KLHL28: variants seen among roughly 807,000 people sequenced by gnomAD.
The protein encoded by KLHL28 is kelch like family member 28.
A neutral mutation model predicts 48.3 loss-of-function variants in KLHL28; 22 were observed. The observed-to-expected ratio is 0.46, with a 90% CI of 0.33 to 0.65. The LOEUF is 0.65. Among genes scored for constraint, KLHL28 ranks in the 30% least tolerant of loss-of-function variants. The pLI is 0.03. For synonymous variants in KLHL28, 243 were observed against 242.4 expected (o/e 1.00, Z -0.02); for missense variants, 527 against 704.3 (o/e 0.75, Z 2.85).
intron 1 of KLHL28, chr14:44,961,453 G>C (rs1885092023): frequency 6.6e-6 from 1 of 152,216 alleles, no homozygotes; most frequent in African/African-American, 2.4e-5. Flanking sequence ...GCAAAGTGAT[G>C]AGGGTAAGGA....
In KLHL28 at chr14:44,928,684, TAAAAA is replaced by T. The variant is rs397968833; in HGVS notation, c.*339_*343del. Reference sequence around the variant, plus strand: ...GGTTATCAGGGAAGGAGAGCTAAAATAAAAAAAAAAAAAAAAAAAAAGCAGCCACG... The same window carrying T: ...GGTTATCAGGGAAGGAGAGCTAAAATAAAAAAAAAAAAAAAAGCAGCCACG... On this transcript the variant is annotated 3_prime_UTR_variant, in exon 5 of 5. Transcript: ENST00000396128. 2.6e-5 allele frequency: 2 copies of T among 78,128 alleles called. No individual in the cohort carries two copies. The highest frequency in any genetic ancestry group is 1.5e-4 in the Admixed American group (1 of 6,814). 4.8% of individuals were successfully genotyped at this position (78,128 alleles called of 1,614,324 possible).
At chr14:44,931,311 G>C (rs1025603095) in intron 4 of KLHL28, 22 bp downstream of exon 4, 1 of 1,516,892 alleles carries the variant, frequency 6.6e-7, no homozygotes, top group Middle Eastern at 1.7e-4. Flanking sequence ...TACATGTTTA[G>C]AAATTAATAA....
chr14:44,959,710 A>C (rs1328947978), intron 1 of KLHL28, among the ~76,000 whole-genome samples: 1 of 152,226 alleles, frequency 6.6e-6, no homozygotes, highest in East Asian at 1.9e-4. Context: ...AAATTATTGA[A>C]ATTTTAAACT....
At chr14:44,954,957 A>T (rs1884732619) in intron 1 of KLHL28, among the ~76,000 whole-genome samples, 1 of 152,194 alleles carries the variant, frequency 6.6e-6, no homozygotes, top group Non-Finnish European at 1.5e-5. Context: ...TAAAATATAT[A>T]TCTTATGCTG....
intron 1 of KLHL28, among the ~76,000 whole-genome samples, chr14:44,961,327 C>G (rs893044349): frequency 6.6e-6 from 1 of 151,954 alleles, no homozygotes; most frequent in Admixed American, 6.6e-5. Context: ...AGGGGAGAGT[C>G]CCACAGAGGA....
intron 2 of KLHL28, among the ~76,000 whole-genome samples, chr14:44,942,534 CTT>C (rs934286278): frequency 2.1e-5 from 3 of 144,554 alleles, no homozygotes; most frequent in Non-Finnish European, 3.1e-5. Context: ...ACATAAAAGT[CTT>C]TTTTTTTTTT....
In KLHL28 at chr14:44,929,100, A is replaced by G; in HGVS notation, c.1644T>C (p.Pro548=). 6.8e-6 allele frequency: 11 copies of G among 1,614,056 alleles called. No homozygotes were observed. The highest frequency in any genetic ancestry group is 8.5e-6 in the Non-Finnish European group (10 of 1,179,946). The change falls in exon 5 of 5, where the codon CCT becomes CCC. Residue 548 remains proline, a synonymous_variant. Coordinates refer to ENST00000396128, the MANE Select transcript of KLHL28 (RefSeq NM_017658.5). ...CTGAATCCAGCCACGTATCTGAGAT[A>G]GGATCATATTTCTGCACTGTATTCA... ...SYLNTVQKYD[P]ISDTWLDSAG... is the part of the protein sequence containing the mutation.
chr14:44,957,600 C>T (rs979864909), intron 1 of KLHL28, among the ~76,000 whole-genome samples: 2 of 152,092 alleles, frequency 1.3e-5, no homozygotes, highest in African/African-American at 4.8e-5. Flanking sequence ...ATCTAGAATA[C>T]CTTTGACTGT....
intron 2 of KLHL28, among the ~76,000 whole-genome samples, chr14:44,941,449 A>C (rs970931152): frequency 6.7e-6 from 1 of 149,564 alleles, no homozygotes; most frequent in African/African-American, 2.5e-5. Flanking sequence ...CTCAGCATGG[A>C]GAAACCCTGT....
chr14:44,956,587 G>A (rs1345212721), intron 1 of KLHL28, among the ~76,000 whole-genome samples: 6 of 152,122 alleles, frequency 3.9e-5, no homozygotes, highest in Middle Eastern at 3.4e-3. Context: ...AAAACATACC[G>A]ACTGTGAAAA....
intron 2 of KLHL28, among the ~76,000 whole-genome samples, chr14:44,937,912 C>A (rs965252781): frequency 2.0e-5 from 3 of 152,212 alleles, no homozygotes; most frequent in African/African-American, 7.2e-5. Context: ...GTATTAACCC[C>A]TTCAAGAGGG....
In KLHL28 at chr14:44,928,913, C is replaced by G. The variant is rs1594562374; in HGVS notation, c.*115G>C. 7.8e-6 allele frequency: 7 copies of G among 892,714 alleles called. No individual in the cohort carries two copies. In the East Asian group the frequency reaches 1.8e-4, roughly 23 times the overall value. 55.3% of individuals were successfully genotyped at this position (892,714 alleles called of 1,614,324 possible). On this transcript the variant is annotated 3_prime_UTR_variant, in exon 5 of 5. Transcript: ENST00000396128. Reference sequence around the variant, plus strand: ...CCAACAAAACTTTTGAGCCTTCATGCTACTTCAAGTTAAAAAGAAAGCAAT... The same window carrying G: ...CCAACAAAACTTTTGAGCCTTCATGGTACTTCAAGTTAAAAAGAAAGCAAT...
Position 44,932,709 on chromosome 14 carries a change from T to C in KLHL28, c.1344-1168A>G, listed in dbSNP as rs563974040. Among the ~76,000 whole-genome samples, 4 of 152,320 alleles carry C rather than the reference T, an allele frequency of 2.6e-5. No individual in the cohort carries two copies. In the South Asian group the frequency reaches 6.2e-4, roughly 24 times the overall value. On this transcript the variant is annotated intron_variant, in intron 3 of 4. Coordinates refer to ENST00000396128, the MANE Select transcript of KLHL28 (RefSeq NM_017658.5). ...ACCAAAATCATTGAAGAAGAGTTGA[T>C]GCACTGCAGCAAGACTTTCAAGATA...
intron 1 of KLHL28, among the ~76,000 whole-genome samples, chr14:44,958,801 T>A (rs1884911375): frequency 6.6e-6 from 1 of 152,104 alleles, no homozygotes; most frequent in African/African-American, 2.4e-5. Context: ...AACTTATACA[T>A]AGTAATTAAT....
chr14:44,945,671 G>A lies in KLHL28; in HGVS notation c.258C>T (p.Leu86=). 6.2e-7 allele frequency: 1 copy of A among 1,614,194 alleles called. No individual in the cohort carries two copies. Among genetic ancestry groups the A allele is most frequent in the Non-Finnish European group, 8.5e-7 (1 of 1,180,032 alleles). Residue 86 remains leucine, a synonymous_variant, in exon 2 of 5, where the codon CTC becomes CTT. Coordinates refer to ENST00000396128, the MANE Select transcript of KLHL28 (RefSeq NM_017658.5). The part of the protein sequence containing the change: ...VEFQCIDETA[L]QAIVEYAYTG... ...TATAGGCATACTCCACAATGGCCTG[G>A]AGAGCAGTTTCATCAATGCATTGAA...
rs1365631570 is a variant in KLHL28, at chr14:44,960,716, AC to A, written c.-1+1129del. Among the ~76,000 whole-genome samples, 12 of 41,286 alleles carry A rather than the reference AC, an allele frequency of 2.9e-4. No individual in the cohort carries two copies. In the East Asian group the frequency reaches 3.0e-3, roughly 10 times the overall value. 27.1% of individuals were successfully genotyped at this position (41,286 alleles called of 152,430 possible). On this transcript the variant is annotated intron_variant, in intron 1 of 4. Transcript: ENST00000396128. ...ACATTATAGTCTATTCCCCACCCCC[AC>A]CCCCCCAAAAACAAAACAAAACAAA...
Position 44,924,900 on chromosome 14 carries a change from T to C in KLHL28, c.*4128A>G, listed in dbSNP as rs560536128. The C allele has an allele frequency of 1.2e-4, 19 of 152,738 alleles. No homozygotes were observed. The highest frequency in any genetic ancestry group is 4.1e-4 in the African/African-American group (17 of 41,580). The allele number at this position is 152,738 out of a possible 1,614,324, so 9.5% of individuals were successfully genotyped here. A position where few individuals can be genotyped will look rare whatever the true frequency, so the allele number is the denominator to read the frequency against. On this transcript the variant is annotated 3_prime_UTR_variant, in exon 5 of 5. Coordinates refer to ENST00000396128, the MANE Select transcript of KLHL28 (RefSeq NM_017658.5). ...TAAACTGGATTTTTATTTGACTCCA[T>C]ATTCACACCAGTAGGAAAATTTGTA...
At chr14:44,932,668 G>A (rs1883639958) in intron 3 of KLHL28, among the ~76,000 whole-genome samples, 2 of 152,276 alleles carry the variant, frequency 1.3e-5, no homozygotes, top group South Asian at 4.1e-4. Context: ...AAGAACTCCA[G>A]GATAGAATCC....
chr14:44,932,202 T>G (rs1226690652), intron 3 of KLHL28, among the ~76,000 whole-genome samples: 2 of 127,108 alleles, frequency 1.6e-5, no homozygotes, highest in East Asian at 5.0e-4. Context: ...TACAGAGGTT[T>G]TTAGGATCTT....
Sources: allele counts gnomAD v4.1 joint callset (sites outside exome capture counted in the v4.1 genomes callset), GRCh38; gene constraint gnomAD v4.1.1; transcripts MANE v1.5; gene names NCBI Gene and HGNC (gene_info 2026-07-23, HGNC 2026-07-21).